The following ZNF385D variants were observed in gnomAD, a reference collection of about 807,000 sequenced individuals.
ZNF385D encodes zinc finger protein 385D.
A neutral mutation model predicts 35.8 loss-of-function variants in ZNF385D; 15 were observed. The ratio of observed to expected loss-of-function variants is 0.42; its 90% CI spans 0.28 to 0.64. The LOEUF (loss-of-function observed/expected upper bound fraction) is 0.64, where lower values mean the gene tolerates loss of function less well. Ranked by LOEUF, ZNF385D falls within the 30% of genes least tolerant of loss-of-function variation. ZNF385D has a pLI of 0.23. For synonymous variants in ZNF385D, 212 were observed against 186.8 expected (o/e 1.13, Z -1.10); for missense variants, 474 against 494.6 (o/e 0.96, Z 0.39).
intron 3 of ZNF385D, among the ~76,000 whole-genome samples, chr3:22,133,216 A>C (rs1256396629): frequency 6.6e-6 from 1 of 152,182 alleles, no homozygotes; most frequent in East Asian, 1.9e-4. Context: ...AGCTTTGGGA[A>C]ATACTTCGTA....
intron 1 of ZNF385D, among the ~76,000 whole-genome samples, chr3:21,690,544 G>C (rs1238619098): frequency 6.6e-6 from 1 of 152,092 alleles, no homozygotes; most frequent in Non-Finnish European, 1.5e-5. Context: ...CTGACCTTCT[G>C]CTCATTTCCT....
At chr3:22,081,753 C>T (rs1335139820) in intron 3 of ZNF385D, among the ~76,000 whole-genome samples, 1 of 152,092 alleles carries the variant, frequency 6.6e-6, no homozygotes. Flanking sequence ...GACTCTATTG[C>T]CCCAAAACGC....
rs78212642 is a variant in ZNF385D at position 22,069,744 on chromosome 3, T to C, written c.325+99073A>G. On this transcript the variant is annotated intron_variant, in intron 3 of 5. Coordinates refer to the ZNF385D transcript ENST00000494108. The stretch of plus-strand genomic sequence containing the variant: ...TAGATGTGAAGGTAATAAGTGCACA[T>C]CAGTGATAAGTCAACTGGGACTCCT... Among the ~76,000 whole-genome samples the C allele has an allele frequency of 7.2e-3, 1,096 of 152,230 alleles. 16 individuals carry two copies. The highest frequency in any genetic ancestry group is 0.025 in the African/African-American group (1,025 of 41,550).
intron 3 of ZNF385D, among the ~76,000 whole-genome samples, chr3:21,964,296 A>T (rs1702756983): frequency 6.6e-6 from 1 of 150,910 alleles, no homozygotes; most frequent in Non-Finnish European, 1.5e-5. Context: ...GTGAAAAACT[A>T]TAGATATTTT....
At chr3:21,648,376 T>C (rs1431622817) in intron 2 of ZNF385D, among the ~76,000 whole-genome samples, 2 of 152,150 alleles carry the variant, frequency 1.3e-5, no homozygotes, top group East Asian at 3.9e-4. Flanking sequence ...GAACTGAGAA[T>C]CAATTAAACC....
chr3:21,581,461 C>T (rs2063660685), intron 2 of ZNF385D, among the ~76,000 whole-genome samples: 1 of 152,106 alleles, frequency 6.6e-6, no homozygotes, highest in East Asian at 1.9e-4. Flanking sequence ...TTCTCCCCAA[C>T]CTAAATTGCA....
intron 3 of ZNF385D, among the ~76,000 whole-genome samples, chr3:21,919,754 T>A (rs754580100): frequency 1.3e-5 from 2 of 152,218 alleles, no homozygotes; most frequent in African/African-American, 4.8e-5. Flanking sequence ...AGAACACACT[T>A]AGGACAATGC....
intron 2 of ZNF385D, among the ~76,000 whole-genome samples, chr3:21,636,378 TTA>T (rs1183440640): frequency 0.11 from 5,449 of 47,682 alleles, 208 homozygotes; most frequent in East Asian, 0.24. Context: ...ATATATATGA[TTA>T]TATATATATA....
At chr3:22,187,170 A>G (rs780467534) in intron 2 of ZNF385D, among the ~76,000 whole-genome samples, 3 of 152,132 alleles carry the variant, frequency 2.0e-5, no homozygotes, top group African/African-American at 4.8e-5. Context: ...TTCTTCACTA[A>G]TATTTCTTTG....
At chr3:21,969,521 C>G (rs1048892686) in intron 3 of ZNF385D, among the ~76,000 whole-genome samples, 13 of 152,182 alleles carry the variant, frequency 8.5e-5, no homozygotes, top group African/African-American at 3.1e-4. Context: ...CAGTCTTGAG[C>G]AGTTCTTTAT....
At chr3:21,979,071 G>C (rs1276931185) in intron 3 of ZNF385D, among the ~76,000 whole-genome samples, 1 of 152,086 alleles carries the variant, frequency 6.6e-6, no homozygotes, top group Non-Finnish European at 1.5e-5. Context: ...ATAGAAAATA[G>C]TTGTGACTAT....
chr3:22,240,273 T>C (rs1281900789), intron 2 of ZNF385D, among the ~76,000 whole-genome samples: 1 of 150,604 alleles, frequency 6.6e-6, no homozygotes, highest in Non-Finnish European at 1.5e-5. Context: ...ATGCAGTTTC[T>C]ACCTGCTGTG....
chr3:21,586,016 A>G (rs2063798758), intron 2 of ZNF385D, among the ~76,000 whole-genome samples: 1 of 117,826 alleles, frequency 8.5e-6, no homozygotes, highest in African/African-American at 3.4e-5. Context: ...AAAATTAAAT[A>G]AATATATTAT....
intron 2 of ZNF385D, among the ~76,000 whole-genome samples, chr3:22,261,086 A>T (rs1559484890): frequency 7.2e-6 from 1 of 138,356 alleles, no homozygotes; most frequent in Non-Finnish European, 1.6e-5. Flanking sequence ...TTTGCCTACA[A>T]CTATCTATCC....
intron 3 of ZNF385D, among the ~76,000 whole-genome samples, chr3:21,519,369 A>T (rs1373693264): frequency 1.3e-5 from 2 of 152,216 alleles, no homozygotes; most frequent in Non-Finnish European, 2.9e-5. Flanking sequence ...ACTCATCTAT[A>T]AACTTCACCA....
intron 3 of ZNF385D, among the ~76,000 whole-genome samples, chr3:21,829,861 C>T (rs1384326250): frequency 3.3e-5 from 5 of 152,048 alleles, no homozygotes; most frequent in East Asian, 2.0e-4. Flanking sequence ...ATGGGGCTTA[C>T]GCCTGTCATC....
At chr3:21,611,619 G>A (rs893967020) in intron 2 of ZNF385D, among the ~76,000 whole-genome samples, 6 of 152,056 alleles carry the variant, frequency 3.9e-5, no homozygotes, top group African/African-American at 1.4e-4. Context: ...AGTACATTAT[G>A]TTAAAAATAT....
chr3:21,661,163 A>T (rs574245385), intron 2 of ZNF385D, among the ~76,000 whole-genome samples: 8 of 152,196 alleles, frequency 5.3e-5, no homozygotes, highest in Admixed American at 2.0e-4. Context: ...GAATACTCCC[A>T]ATGGTTTTGT....
chr3:22,366,782 C>T (rs1696677028), intron 2 of ZNF385D, among the ~76,000 whole-genome samples: 2 of 152,090 alleles, frequency 1.3e-5, no homozygotes, highest in South Asian at 4.1e-4. Flanking sequence ...GTGAGATTTT[C>T]CTGGATTATA....
Sources: gnomAD v4.1 joint callset for allele counts (sites outside exome capture counted in the v4.1 genomes callset) on GRCh38, gnomAD v4.1.1 for gene constraint, MANE v1.5 for transcripts, NCBI Gene and HGNC (gene_info 2026-07-23, HGNC 2026-07-21) for gene names.